The following SH3BGR variants were observed in gnomAD, a reference collection of about 807,000 sequenced individuals.
The protein encoded by SH3BGR is SH3 domain binding glutamate rich protein, also known as SH3 domain-binding glutamic acid-rich protein.
A neutral mutation model predicts 24.5 loss-of-function variants in SH3BGR; 29 were observed. The observed-to-expected ratio is 1.18, with a 90% CI of 0.88 to 1.61. The LOEUF is 1.61. Among genes scored for constraint, SH3BGR ranks in the 40% most tolerant of loss-of-function variants. The pLI, the probability that SH3BGR is intolerant of heterozygous loss-of-function variation, is 0.00. For synonymous variants in SH3BGR, 55 were observed against 65.7 expected, an observed-to-expected ratio of 0.84 and a Z score of 0.79; for missense variants, 162 against 205.8, an observed-to-expected ratio of 0.79 and a Z score of 1.30.
rs79159593 is a variant in SH3BGR, at chr21:39,452,705, A to G, written c.45+564A>G. ...CTCAGGCCACAGTTATAAACACTCCAGGCATTCAGACGGCCCCAAAATAAG... is the reference window on the plus strand; with the variant it reads ...CTCAGGCCACAGTTATAAACACTCCGGGCATTCAGACGGCCCCAAAATAAG... On this transcript the variant is annotated intron_variant, in intron 1 of 6. Transcript: ENST00000333634. Among the ~76,000 whole-genome samples the G allele has an allele frequency of 9.4e-3, 1,432 of 152,328 alleles. 22 individuals are homozygous for G. Among genetic ancestry groups the G allele is most frequent in the African/African-American group, 0.033 (1,370 of 41,568 alleles).
chr21:39,496,271 C>T lies in SH3BGR; in HGVS notation c.313-3552C>T, dbSNP rs550547020. 1.2e-4 allele frequency among the ~76,000 whole-genome samples: 18 copies of T among 152,036 alleles called. 1 individual carries two copies. The South Asian group carries it at 2.9e-3, about 25-fold the overall frequency. On this transcript the variant is annotated intron_variant, in intron 3 of 6. Coordinates refer to ENST00000333634, the MANE Select transcript of SH3BGR (RefSeq NM_007341.3). ...ATCCCAGCACTTTGGGAGGCCGAGG[C>T]GGGTGGATCATGAGGTCAGGAGATC...
chr21:39,494,404 T>A (rs879666121), intron 3 of SH3BGR, among the ~76,000 whole-genome samples: 1 of 152,128 alleles, frequency 6.6e-6, no homozygotes, highest in Non-Finnish European at 1.5e-5. Context: ...AGTGAAGGTC[T>A]GCTGGCAATA....
intron 2 of SH3BGR, among the ~76,000 whole-genome samples, chr21:39,474,262 G>A (rs1451690898): frequency 6.6e-6 from 1 of 152,152 alleles, no homozygotes; most frequent in Non-Finnish European, 1.5e-5. Flanking sequence ...CACCACGCCT[G>A]GCTGGTTTTA....
chr21:39,462,532 A>G lies in SH3BGR; in HGVS notation c.203A>G (p.Gln68Arg). The G allele has an allele frequency of 6.2e-7, 1 of 1,601,274 alleles. No individual in the cohort carries two copies. The highest frequency in any genetic ancestry group is 8.5e-7 in the Non-Finnish European group (1 of 1,177,174). ...CAAAATGGGATTCCTTTGCCTCCCC[A>G]GATCTTCAATGAGGAGCAGTACTGT... ...KPQNGIPLPP[Q>R]IFNEEQYCGD... Residue 68 changes from glutamine to arginine, a missense_variant, in exon 2 of 7, where the codon CAG (glutamine) becomes CGG (arginine). Transcript: ENST00000333634.
At chr21:39,455,146 G>T (rs987001806) in intron 1 of SH3BGR, among the ~76,000 whole-genome samples, 1 of 152,218 alleles carries the variant, frequency 6.6e-6, no homozygotes, top group African/African-American at 2.4e-5. Context: ...CAAGTGAGTG[G>T]CAATAAGAGG....
chr21:39,452,922 T>C (rs1330156246), intron 1 of SH3BGR, among the ~76,000 whole-genome samples: 1 of 152,228 alleles, frequency 6.6e-6, no homozygotes, highest in Non-Finnish European at 1.5e-5. Context: ...TCTGTCTGTC[T>C]GGAACTGATA....
intron 4 of SH3BGR, among the ~76,000 whole-genome samples, chr21:39,504,454 A>C (rs1326417745): frequency 3.3e-5 from 5 of 152,138 alleles, no homozygotes; most frequent in African/African-American, 4.8e-5. Context: ...CCTGGCACTC[A>C]CCACCACGGA....
chr21:39,479,233 T>TGGTGGAGGTGGTAAG (rs2078081187), intron 3 of SH3BGR, among the ~76,000 whole-genome samples: 3 of 121,954 alleles, frequency 2.5e-5, no homozygotes, highest in Non-Finnish European at 5.9e-5. Context: ...AGGGTGGTGG[T>TGGTGGAGGTGGTAAG]GGTGGTGGTG....
chr21:39,453,471 A>G (rs1163768443), intron 1 of SH3BGR, among the ~76,000 whole-genome samples: 1 of 152,204 alleles, frequency 6.6e-6, no homozygotes, highest in Non-Finnish European at 1.5e-5. Flanking sequence ...CTCATTGCTA[A>G]AAACTTTACC....
chr21:39,500,433 TG>T (rs2078474750), intron 4 of SH3BGR, among the ~76,000 whole-genome samples: 1 of 152,056 alleles, frequency 6.6e-6, no homozygotes, highest in African/African-American at 2.4e-5. Flanking sequence ...TGAAGTCACA[TG>T]ATTAATTCTA....
chr21:39,496,317 G>C (rs554557946), intron 3 of SH3BGR, among the ~76,000 whole-genome samples: 2 of 151,848 alleles, frequency 1.3e-5, no homozygotes, highest in African/African-American at 2.4e-5. Context: ...TGGCTAACAA[G>C]GTGAAACCCC....
rs536602825 is a variant in SH3BGR, at chr21:39,509,031, C to T, written c.435+4C>T. On this transcript the variant is annotated splice_donor_region_variant and intron_variant, in intron 5 of 6. Coordinates refer to ENST00000333634, the MANE Select transcript of SH3BGR (RefSeq NM_007341.3). The stretch of plus-strand genomic sequence containing the variant: ...AGGAGAGACAGCCACAGAAGAGGTA[C>T]GGTCGACCATCTTTAACAGCTGTGC... 12 of 1,606,830 alleles carry T rather than the reference C, an allele frequency of 7.5e-6. No homozygotes were observed. The highest frequency in any genetic ancestry group is 2.7e-5 in the African/African-American group (2 of 74,836).
chr21:39,457,517 A>G (rs908544403), intron 1 of SH3BGR, among the ~76,000 whole-genome samples: 2 of 146,294 alleles, frequency 1.4e-5, no homozygotes, highest in Admixed American at 1.4e-4. Context: ...TATATATTAT[A>G]TAGTTATATA....
upstream of SH3BGR, among the ~76,000 whole-genome samples, chr21:39,447,889 G>A (rs987238087): frequency 3.3e-5 from 5 of 152,148 alleles, no homozygotes; most frequent in East Asian, 1.9e-4. Context: ...AGACTACCAC[G>A]AACTTAGGGG....
At chr21:39,500,675 A>C (rs529694284) in intron 4 of SH3BGR, among the ~76,000 whole-genome samples, 4 of 152,272 alleles carry the variant, frequency 2.6e-5, no homozygotes, top group South Asian at 2.1e-4. Context: ...GGGCTTCTCC[A>C]CTGGGTCAGT....
intron 3 of SH3BGR, among the ~76,000 whole-genome samples, chr21:39,476,807 G>A (rs2078035252): frequency 6.6e-6 from 1 of 152,140 alleles, no homozygotes; most frequent in Non-Finnish European, 1.5e-5. Context: ...CCACTAGGGG[G>A]TTATCTAAAC....
rs79641847 is a variant in SH3BGR at position 39,495,940 on chromosome 21, C to T, written c.313-3883C>T. Among the ~76,000 whole-genome samples, 213 of 151,840 alleles carry T rather than the reference C, an allele frequency of 1.4e-3. 2 individuals carry two copies. The highest frequency in any genetic ancestry group is 4.5e-3 in the African/African-American group (187 of 41,394). Reference sequence around the variant, plus strand: ...CACCTATAAATGCCAAGAAGATATTCGATATAATTTATCAGATATTTCTAG... The same window carrying T: ...CACCTATAAATGCCAAGAAGATATTTGATATAATTTATCAGATATTTCTAG... On this transcript the variant is annotated intron_variant, in intron 3 of 6. Transcript: ENST00000333634.
rs1251015224 is a variant in SH3BGR, at chr21:39,511,125, T to G, written c.436-555T>G. On this transcript the variant is annotated intron_variant, in intron 5 of 6. Transcript: ENST00000333634. This position sits in a 1 kb window ranked among gnomAD's most constrained non-coding sequence, Gnocchi z 4.2. ...TTTTTTATGTGTGTGTATGTATGTG[T>G]GGTATGTGTGGTGTGTTGTATGTGT... Among the ~76,000 whole-genome samples the G allele has an allele frequency of 6.6e-6, 1 of 151,308 alleles. No individual in the cohort carries two copies. The highest frequency in any genetic ancestry group is 1.5e-5 in the Non-Finnish European group (1 of 67,798).
chr21:39,489,197 T>C (rs917413567), intron 3 of SH3BGR, among the ~76,000 whole-genome samples: 2 of 152,198 alleles, frequency 1.3e-5, no homozygotes, highest in African/African-American at 4.8e-5. Context: ...AGAGGGCTAA[T>C]CATTCGAGAG....
Sources: gnomAD v4.1 joint callset for allele counts (sites outside exome capture counted in the v4.1 genomes callset) on GRCh38, gnomAD v4.1.1 for gene constraint, Gnocchi (gnomAD v3.1) non-coding constraint, MANE v1.5 for transcripts, NCBI Gene and HGNC (gene_info 2026-07-23, HGNC 2026-07-21) for gene names.